The following UGT1A10 variants were observed in gnomAD, a reference collection of about 807,000 sequenced individuals.
UGT1A10 encodes the protein UDP-glucuronosyltransferase 1A10.
A neutral mutation model predicts 45.8 loss-of-function variants in UGT1A10; 49 were observed. The observed-to-expected ratio is 1.07, with a 90% CI of 0.85 to 1.36. The LOEUF (loss-of-function observed/expected upper bound fraction) is 1.36. Ranked by LOEUF, UGT1A10 falls within the 40% of genes most tolerant of loss-of-function variation. The pLI is 0.00. For synonymous variants in UGT1A10, 284 were observed against 249.7 expected, an observed-to-expected ratio of 1.14 and a Z score of -1.29; for missense variants, 745 against 668.6, an observed-to-expected ratio of 1.11 and a Z score of -1.26.
intron 1 of UGT1A10, among the ~76,000 whole-genome samples, chr2:233,736,717 T>A (rs954698353): frequency 4.0e-5 from 6 of 151,034 alleles, no homozygotes; most frequent in Non-Finnish European, 3.0e-5. Flanking sequence ...GATGTCCTTT[T>A]TGTTGATGTT....
chr2:233,743,474 G>T (rs762879751), intron 1 of UGT1A10: 8 of 1,366,712 alleles, frequency 5.9e-6, no homozygotes, highest in Middle Eastern at 2.1e-4. Context: ...CCAAAAGCTG[G>T]AAATTCACTG....
intron 1 of UGT1A10, among the ~76,000 whole-genome samples, chr2:233,688,780 T>C (rs1215493490): frequency 6.6e-6 from 1 of 152,142 alleles, no homozygotes; most frequent in Non-Finnish European, 1.5e-5. Flanking sequence ...GCCATTCTAA[T>C]GGAGAGGAAG....
chr2:233,679,709 T>C (rs1352885373), intron 1 of UGT1A10, among the ~76,000 whole-genome samples: 1 of 152,214 alleles, frequency 6.6e-6, no homozygotes, highest in Non-Finnish European at 1.5e-5. Flanking sequence ...TCCTGTTATC[T>C]GGACAATTTT....
intron 1 of UGT1A10, among the ~76,000 whole-genome samples, chr2:233,641,425 C>G (rs1284102546): frequency 1.3e-5 from 2 of 152,164 alleles, no homozygotes; most frequent in African/African-American, 4.8e-5. Context: ...TACTTTTTAA[C>G]TCTTTGTGAT....
chr2:233,719,211 C>T, intron 1 of UGT1A10: 2 of 1,614,194 alleles, frequency 1.2e-6, no homozygotes, highest in Non-Finnish European at 1.7e-6. Flanking sequence ...TTGTGTGGAG[C>T]TACTGCATAA....
chr2:233,747,249 G>T, intron 1 of UGT1A10: 1 of 1,600,822 alleles, frequency 6.2e-7, no homozygotes, highest in Non-Finnish European at 8.5e-7. Context: ...TGCTGTGGCT[G>T]GCCACAGGAG....
Position 233,636,915 on chromosome 2 carries a change from A to G in UGT1A10, c.393A>G (p.Arg131=). Residue 131 remains arginine, a synonymous_variant, in exon 1 of 5, where the codon CGA becomes CGG. Coordinates refer to ENST00000344644, the MANE Select transcript of UGT1A10 (RefSeq NM_019075.4). ...ATTGCAGGAGTTTGTTTAATGACCG[A>G]AAATTAGTAGAATACTTAAAGGAGA... ...FSHCRSLFND[R]KLVEYLKESS... The G allele has an allele frequency of 6.2e-7, 1 of 1,614,126 alleles. No homozygotes were observed. The highest frequency in any genetic ancestry group is 8.5e-7 in the Non-Finnish European group (1 of 1,180,024).
At chr2:233,675,401 A>T (rs1329961960) in intron 1 of UGT1A10, among the ~76,000 whole-genome samples, 1 of 152,162 alleles carries the variant, frequency 6.6e-6, no homozygotes, top group Non-Finnish European at 1.5e-5. Context: ...TGAATTTTTG[A>T]TGAGTTCCAA....
At chr2:233,761,295 T>C in intron 1 of UGT1A10, 1 of 1,507,920 alleles carries the variant, frequency 6.6e-7, no homozygotes. Flanking sequence ...GACTCCTAGG[T>C]TTGAGTCTGT....
rs2073296561 is a variant in UGT1A10, at chr2:233,636,597, A to T, written c.75A>T (p.Ala25=). Residue 25 remains alanine (A), a synonymous_variant, in exon 1 of 5, where the codon GCA becomes GCT. Coordinates refer to ENST00000344644, the MANE Select transcript of UGT1A10 (RefSeq NM_019075.4). ...TGCTGACCTGTGGCTTTGCCGAGGCAGGGAAGCTGCTGGTAGTGCCCATGG... is the reference window on the plus strand; with the variant it reads ...TGCTGACCTGTGGCTTTGCCGAGGCTGGGAAGCTGCTGGTAGTGCCCATGG... The part of the protein sequence containing the change: ...CLLLTCGFAE[A]GKLLVVPMDG... 1 of 1,614,132 alleles carries T rather than the reference A, an allele frequency of 6.2e-7. No individual in the cohort carries two copies. Among genetic ancestry groups the T allele is most frequent in the Non-Finnish European group, 8.5e-7 (1 of 1,180,018 alleles).
intron 1 of UGT1A10, among the ~76,000 whole-genome samples, chr2:233,702,589 A>G (rs2075695060): frequency 6.6e-6 from 1 of 152,126 alleles, no homozygotes; most frequent in Admixed American, 6.6e-5. Flanking sequence ...TCTTAACTGG[A>G]GATTTTTTGA....
rs1699951118 is a variant in UGT1A10, at chr2:233,769,835, G to A, written c.1295+1396G>A. The A allele has an allele frequency of 3.1e-6, 2 of 640,066 alleles. No individual in the cohort carries two copies. The highest frequency in any genetic ancestry group is 2.3e-6 in the Non-Finnish European group (1 of 426,370). The allele number at this position is 640,066 out of a possible 1,614,324, so 39.6% of individuals were successfully genotyped here. A position where few individuals can be genotyped will look rare whatever the true frequency, so the allele number is the denominator to read the frequency against. On this transcript the variant is annotated intron_variant, in intron 4 of 4. Coordinates refer to ENST00000344644, the MANE Select transcript of UGT1A10 (RefSeq NM_019075.4). The surrounding 1 kb of genome is among the most constrained non-coding windows in gnomAD (Gnocchi z 4.4). ...ATGCCACTGCACTCCAGCAACCTGG[G>A]CAACAGAGTGAGACCCTGTCTCAAA...
At chr2:233,688,114 CT>C (rs2125539031) in intron 1 of UGT1A10, among the ~76,000 whole-genome samples, 1 of 152,300 alleles carries the variant, frequency 6.6e-6, no homozygotes, top group South Asian at 2.1e-4. Flanking sequence ...TCTTCTACCC[CT>C]CAGCACTAAT....
At chr2:233,711,626 G>A (rs1104892) in intron 1 of UGT1A10, among the ~76,000 whole-genome samples, 87,037 of 152,060 alleles carry the variant, frequency 0.57, 26,823 homozygotes, top group African/African-American at 0.81. Context: ...AGCTCCATTC[G>A]CTGCCTGTCC....
At chr2:233,705,798 A>G (rs1030197407) in intron 1 of UGT1A10, among the ~76,000 whole-genome samples, 10 of 152,194 alleles carry the variant, frequency 6.6e-5, no homozygotes, top group Non-Finnish European at 1.5e-4. Context: ...CCCCTTGTTC[A>G]AAAATTATTA....
At chr2:233,650,904 T>C (rs2073722158) in intron 1 of UGT1A10, among the ~76,000 whole-genome samples, 1 of 152,230 alleles carries the variant, frequency 6.6e-6, no homozygotes, top group Non-Finnish European at 1.5e-5. Context: ...ATTACTTTTT[T>C]AGCAATGGAC....
chr2:233,757,231 AGTG>A (rs1225021845), intron 1 of UGT1A10, among the ~76,000 whole-genome samples: 2 of 127,510 alleles, frequency 1.6e-5, no homozygotes, highest in African/African-American at 6.0e-5. Flanking sequence ...AGGTTCCAGA[AGTG>A]GTGGTGAGGT....
At chr2:233,656,076 T>A (rs1170437785) in intron 1 of UGT1A10, among the ~76,000 whole-genome samples, 3 of 152,012 alleles carry the variant, frequency 2.0e-5, no homozygotes, top group Non-Finnish European at 4.4e-5. Context: ...GGTAGGAGCT[T>A]TATGCTGAAC....
intron 1 of UGT1A10, among the ~76,000 whole-genome samples, chr2:233,686,265 T>C (rs1311143668): frequency 1.3e-5 from 2 of 152,054 alleles, no homozygotes; most frequent in Non-Finnish European, 2.9e-5. Context: ...TTTTTTCTTG[T>C]ACCAAAAGTA....
Sources: gnomAD v4.1 joint callset for allele counts (sites outside exome capture counted in the v4.1 genomes callset) on GRCh38, gnomAD v4.1.1 for gene constraint, Gnocchi (gnomAD v3.1) non-coding constraint, MANE v1.5 for transcripts, NCBI Gene and HGNC (gene_info 2026-07-23, HGNC 2026-07-21) for gene names.